PTPRD: variants seen among roughly 807,000 people sequenced by gnomAD.
The protein encoded by PTPRD is receptor-type tyrosine-protein phosphatase delta.
In PTPRD, 34 loss-of-function variants were observed where a neutral mutation model predicts 214.5. The observed-to-expected ratio is 0.16, with a 90% CI of 0.12 to 0.21. PTPRD has a LOEUF of 0.21. PTPRD is among the 10% of genes least tolerant of loss of function. PTPRD has a pLI of 1.00. For synonymous variants in PTPRD, 1,128 were observed against 845.7 expected, an observed-to-expected ratio of 1.33 and a Z score of -5.79; for missense variants, 2,545 against 2,398.7, an observed-to-expected ratio of 1.06 and a Z score of -1.27.
Position 9,236,058 on chromosome 9 carries a change from G to A in PTPRD, c.-202-52695C>T, listed in dbSNP as rs13297400. 4.6e-3 allele frequency among the ~76,000 whole-genome samples: 706 copies of A among 152,208 alleles called. 2 individuals are homozygous for A. Among genetic ancestry groups the A allele is most frequent in the South Asian group, 9.1e-3 (44 of 4,826 alleles). On this transcript the variant is annotated intron_variant, in intron 9 of 45. Coordinates refer to ENST00000381196, the MANE Select transcript of PTPRD (RefSeq NM_002839.4). ...GCAGGTGGATCACCTGAGGTCAGGA[G>A]TTCAAGACCAGCCTGGCCAACATGG...
At chr9:10,147,861 CA>C (rs1224823072) in intron 3 of PTPRD, among the ~76,000 whole-genome samples, 1 of 151,908 alleles carries the variant, frequency 6.6e-6, no homozygotes, top group African/African-American at 2.4e-5. Context: ...GCCTGGGCAA[CA>C]AAGGGAGACT....
chr9:8,616,410 A>G (rs947496763), intron 14 of PTPRD, among the ~76,000 whole-genome samples: 11 of 152,104 alleles, frequency 7.2e-5, no homozygotes, highest in Non-Finnish European at 1.3e-4. Context: ...CTTGCTTTAC[A>G]AGTTTGATAA....
Position 9,611,802 on chromosome 9 carries a change from T to C in PTPRD, c.-286-37021A>G, listed in dbSNP as rs191753366. Among the ~76,000 whole-genome samples the C allele has an allele frequency of 2.6e-3, 396 of 152,232 alleles. 2 individuals carry two copies. Among genetic ancestry groups the C allele is most frequent in the African/African-American group, 9.0e-3 (375 of 41,576 alleles). Reference sequence around the variant, plus strand: ...ATATGGTTAAAGTATGGAATATTAATTCCTGGTTTATGTTACACATAAAAA... The same window carrying C: ...ATATGGTTAAAGTATGGAATATTAACTCCTGGTTTATGTTACACATAAAAA... On this transcript the variant is annotated intron_variant, in intron 7 of 45. Transcript: ENST00000381196.
intron 2 of PTPRD, among the ~76,000 whole-genome samples, chr9:10,365,744 G>A (rs1242551475): frequency 1.3e-5 from 2 of 151,862 alleles, no homozygotes; most frequent in Admixed American, 1.3e-4. Flanking sequence ...CATAACTTTT[G>A]ATATTGAAAT....
intron 11 of PTPRD, among the ~76,000 whole-genome samples, chr9:8,857,190 G>T (rs2097935697): frequency 6.6e-6 from 1 of 150,988 alleles, no homozygotes. Context: ...TCAGAGGAAA[G>T]AAAGAAAAAG....
rs78268992 is a variant in PTPRD, at chr9:8,848,696, C to A, written c.-103-114750G>T. 1.3e-4 allele frequency among the ~76,000 whole-genome samples: 20 copies of A among 151,892 alleles called. No homozygotes were observed. The East Asian group carries it at 3.7e-3, about 28-fold the overall frequency. ...GTGAGATAAATATTTTTTTTAAAAT[C>A]ATGTCATATACAAGAGTGAGGAGGT... is the stretch of plus-strand genomic sequence containing the variant. On this transcript the variant is annotated intron_variant, in intron 11 of 45. Coordinates refer to ENST00000381196, the MANE Select transcript of PTPRD (RefSeq NM_002839.4).
intron 3 of PTPRD, among the ~76,000 whole-genome samples, chr9:10,227,512 G>A (rs956942882): frequency 1.3e-5 from 2 of 151,888 alleles, no homozygotes; most frequent in Middle Eastern, 3.4e-3. Flanking sequence ...CCAAGGTTTG[G>A]CTCAAAAATC....
chr9:8,678,675 C>T (rs1435715465), intron 12 of PTPRD, among the ~76,000 whole-genome samples: 6 of 152,154 alleles, frequency 3.9e-5, no homozygotes, highest in African/African-American at 7.2e-5. Flanking sequence ...TTCCCCAAAA[C>T]CTTTGTAGTA....
intron 12 of PTPRD, among the ~76,000 whole-genome samples, chr9:8,639,936 T>C (rs1226444817): frequency 6.6e-6 from 1 of 152,186 alleles, no homozygotes; most frequent in Non-Finnish European, 1.5e-5. Flanking sequence ...TTGAAGTTTT[T>C]TGTTTGTTTT....
At chr9:8,484,469 G>A (rs2135805503) in intron 29 of PTPRD, 91 bp from the exon 30 acceptor site, 2 of 1,264,442 alleles carry the variant, frequency 1.6e-6, no homozygotes, top group Non-Finnish European at 2.1e-6. Flanking sequence ...TTTGGAAAAT[G>A]TATATATAGT....
intron 3 of PTPRD, among the ~76,000 whole-genome samples, chr9:10,143,153 T>C (rs990533685): frequency 2.2e-4 from 33 of 152,046 alleles, no homozygotes; most frequent in African/African-American, 6.7e-4. Flanking sequence ...AGGGATAGCA[T>C]TGGGAGATAT....
intron 5 of PTPRD, among the ~76,000 whole-genome samples, chr9:9,875,531 C>T (rs991825026): frequency 1.3e-5 from 2 of 152,048 alleles, no homozygotes; most frequent in Admixed American, 6.6e-5. Context: ...ACTCTCAGGA[C>T]CACCAACTTA....
chr9:8,485,956 T>C lies in PTPRD; in HGVS notation c.2861A>G (p.Tyr954Cys). The change falls in exon 28 of 46, where the codon TAT (tyrosine) becomes TGT (cysteine). Residue 954 changes from tyrosine to cysteine, a missense_variant. Physicochemically the swap from Tyr to Cys is radical, Grantham distance 194. Coordinates refer to ENST00000381196, the MANE Select transcript of PTPRD (RefSeq NM_002839.4). ...GTTGATATCCCTATAAAGAAGGGTA[T>C]ACTTGGTGATAATGCCATTTCTCTC... ...LAERNGIITK[Y>C]TLLYRDINIP... The C allele has an allele frequency of 6.2e-7, 1 of 1,614,172 alleles. No individual in the cohort carries two copies. Among genetic ancestry groups the C allele is most frequent in the Non-Finnish European group, 8.5e-7 (1 of 1,180,016 alleles).
At chr9:9,725,979 G>T (rs75575428) in intron 7 of PTPRD, among the ~76,000 whole-genome samples, 2,210 of 152,198 alleles carry the variant, frequency 0.015, 17 homozygotes, top group Non-Finnish European at 0.023. Flanking sequence ...TCCCAACCAA[G>T]CCAGCGTTAG....
chr9:10,115,772 T>C (rs1252896341), intron 3 of PTPRD, among the ~76,000 whole-genome samples: 3 of 152,126 alleles, frequency 2.0e-5, no homozygotes, highest in African/African-American at 7.2e-5. Flanking sequence ...AACAGAGTTA[T>C]TGACATATTT....
chr9:8,793,696 T>A (rs1378009053), intron 11 of PTPRD, among the ~76,000 whole-genome samples: 1 of 152,192 alleles, frequency 6.6e-6, no homozygotes, highest in Admixed American at 6.5e-5. Context: ...CTGTTAGACA[T>A]CATTTTTAAA....
Position 9,464,250 on chromosome 9 carries a change from A to G in PTPRD, c.-236-66768T>C, listed in dbSNP as rs1364116852. On this transcript the variant is annotated intron_variant, in intron 8 of 45. Transcript: ENST00000381196. ...CATACCCATCACCCAAATAGTGAAC[A>G]TCGTATCCAATAGGTAATCTTTCAA... Among the ~76,000 whole-genome samples, 3 of 152,114 alleles carry G rather than the reference A, an allele frequency of 2.0e-5. No individual in the cohort carries two copies. The East Asian group carries it at 5.8e-4, about 29-fold the overall frequency.
chr9:8,441,890 A>T (rs1449696749), intron 34 of PTPRD, among the ~76,000 whole-genome samples: 1 of 152,136 alleles, frequency 6.6e-6, no homozygotes, highest in East Asian at 1.9e-4. Flanking sequence ...ATTTCACATG[A>T]CGCCATGCTG....
At chr9:8,505,554 A>G (rs1301459499) in intron 22 of PTPRD, among the ~76,000 whole-genome samples, 4 of 147,682 alleles carry the variant, frequency 2.7e-5, no homozygotes, top group Non-Finnish European at 6.0e-5. Flanking sequence ...CCCAGGAGGC[A>G]GAGCTTGCAG....
Sources: allele counts gnomAD v4.1 joint callset (sites outside exome capture counted in the v4.1 genomes callset), GRCh38; gene constraint gnomAD v4.1.1; transcripts MANE v1.5; gene names NCBI Gene and HGNC (gene_info 2026-07-23, HGNC 2026-07-21).